DPF3: variants seen among roughly 807,000 people sequenced by gnomAD.
The protein encoded by DPF3 is zinc finger protein DPF3.
A neutral mutation model predicts 56.8 loss-of-function variants in DPF3; 18 were observed. That is an observed-to-expected ratio of 0.32 (90% CI 0.22 to 0.47). The LOEUF is 0.47. Ranked by LOEUF, DPF3 falls within the 20% of genes least tolerant of loss-of-function variation. DPF3 has a pLI of 1.00. For synonymous variants in DPF3, 188 were observed against 180.2 expected, an observed-to-expected ratio of 1.04 and a Z score of -0.35; for missense variants, 403 against 488.8, an observed-to-expected ratio of 0.82 and a Z score of 1.65.
chr14:72,881,324 T>C (rs377512406), intron 1 of DPF3, among the ~76,000 whole-genome samples: 1 of 119,822 alleles, frequency 8.3e-6, no homozygotes, highest in African/African-American at 2.6e-5. Flanking sequence ...GTTGTTGTTG[T>C]TGTTGTTGTT....
At position 72,612,704 on chromosome 14, in the gene DPF3, A is replaced by G. The variant is rs1883813778; in HGVS notation, c.*6593T>C. On this transcript the variant is annotated 3_prime_UTR_variant, in exon 11 of 11. Transcript: ENST00000556509. ...CCCATTCTAGCCATAAAAGCTTTGCATCCCTTTGATAGCAGAATTGAGACT... is the reference window on the plus strand; with the variant it reads ...CCCATTCTAGCCATAAAAGCTTTGCGTCCCTTTGATAGCAGAATTGAGACT... 4.3e-6 allele frequency: 2 copies of G among 468,436 alleles called. No individual in the cohort carries two copies. Among genetic ancestry groups the G allele is most frequent in the African/African-American group, 2.0e-5 (1 of 50,372 alleles). The allele number at this position is 468,436 out of a possible 1,614,324, so 29.0% of individuals were successfully genotyped here.
At chr14:72,744,241 C>A (rs939996310) in intron 3 of DPF3, among the ~76,000 whole-genome samples, 11 of 152,256 alleles carry the variant, frequency 7.2e-5, no homozygotes, top group African/African-American at 2.4e-4. Flanking sequence ...TAATTTCACC[C>A]AGGAACAAAT....
At chr14:72,693,751 G>A (rs139668429) in intron 6 of DPF3, among the ~76,000 whole-genome samples, 9 of 152,314 alleles carry the variant, frequency 5.9e-5, no homozygotes, top group Admixed American at 5.9e-4. Context: ...TAGTGTGGCA[G>A]AGCCACCAGA....
chr14:72,631,572 A>G (rs944413704), intron 8 of DPF3, among the ~76,000 whole-genome samples: 1 of 152,112 alleles, frequency 6.6e-6, no homozygotes, highest in African/African-American at 2.4e-5. Context: ...TGATGCTCAT[A>G]TAGGCAAGTT....
chr14:72,892,958 AGGAAG>A lies in DPF3; in HGVS notation c.32+1094_32+1098del, dbSNP rs1886816383. Among the ~76,000 whole-genome samples the A allele has an allele frequency of 6.0e-5, 2 of 33,270 alleles. 1 individual carries two copies. Among genetic ancestry groups the A allele is most frequent in the African/African-American group, 5.7e-4 (2 of 3,500 alleles). 21.8% of individuals were successfully genotyped at this position (33,270 alleles called of 152,430 possible). ...TCCACTGACTGGAAGGAAGGAAGGA[AGGAAG>A]GAAGGAAGGAAGGAAGGAAGGAAGG... On this transcript the variant is annotated intron_variant, in intron 1 of 10. Coordinates refer to ENST00000556509, the MANE Select transcript of DPF3 (RefSeq NM_001280542.3).
intron 8 of DPF3, among the ~76,000 whole-genome samples, chr14:72,630,679 G>A (rs11844236): frequency 5.9e-5 from 9 of 152,160 alleles, no homozygotes; most frequent in South Asian, 2.1e-4. Flanking sequence ...TTCCCAAGTC[G>A]CCCAGTACTG....
intron 1 of DPF3, among the ~76,000 whole-genome samples, chr14:72,792,557 C>T (rs954728843): frequency 6.6e-6 from 1 of 152,194 alleles, no homozygotes; most frequent in South Asian, 2.1e-4. Flanking sequence ...TAGTCCACAC[C>T]ATGGACTCCT....
intron 8 of DPF3, among the ~76,000 whole-genome samples, chr14:72,633,391 G>A (rs1885275473): frequency 6.6e-6 from 1 of 152,062 alleles, no homozygotes. Flanking sequence ...AAGAAAGGAA[G>A]AGGAGAGAAG....
At position 72,883,237 on chromosome 14, in the gene DPF3, G is replaced by A. The variant is rs1177165499; in HGVS notation, c.32+10820C>T. On this transcript the variant is annotated intron_variant, in intron 1 of 10. Transcript: ENST00000556509. Reference sequence around the variant, plus strand: ...GCATTTTGGGAAGCTGAGGTAAGAGGATCACTTGAGGCCAGAAGTTCAAGA... The same window carrying A: ...GCATTTTGGGAAGCTGAGGTAAGAGAATCACTTGAGGCCAGAAGTTCAAGA... Among the ~76,000 whole-genome samples, 3 of 152,268 alleles carry A rather than the reference G, an allele frequency of 2.0e-5. No individual in the cohort carries two copies. The East Asian group carries it at 5.8e-4, about 29-fold the overall frequency.
intron 5 of DPF3, among the ~76,000 whole-genome samples, chr14:72,720,529 G>A (rs1889125307): frequency 6.6e-6 from 1 of 152,140 alleles, no homozygotes; most frequent in Non-Finnish European, 1.5e-5. Context: ...AGTATCTGGT[G>A]GGCCCAGAGC....
intron 4 of DPF3, among the ~76,000 whole-genome samples, chr14:72,730,139 C>T (rs2139853110): frequency 6.6e-6 from 1 of 152,050 alleles, no homozygotes. Context: ...GAGAAGACAA[C>T]CGCAGCAGTT....
intron 8 of DPF3, 25 bp downstream of exon 8, chr14:72,674,215 C>T (rs150912383): frequency 3.6e-5 from 58 of 1,605,168 alleles, no homozygotes; most frequent in African/African-American, 1.2e-4. Context: ...TACGGGCACC[C>T]GGTGTGGGAA....
At chr14:72,842,703 T>G (rs11158983) in intron 1 of DPF3, among the ~76,000 whole-genome samples, 88,717 of 151,930 alleles carry the variant, frequency 0.58, 26,745 homozygotes, top group East Asian at 0.89. Flanking sequence ...TTTTAAAACT[T>G]AAGAAATTAG....
intron 1 of DPF3, among the ~76,000 whole-genome samples, chr14:72,874,205 G>A (rs1259091590): frequency 2.6e-5 from 4 of 151,810 alleles, no homozygotes; most frequent in African/African-American, 9.7e-5. Flanking sequence ...CAAGCCAGGT[G>A]GAGTGGCTCA....
intron 1 of DPF3, among the ~76,000 whole-genome samples, chr14:72,848,593 G>A (rs1884851371): frequency 1.3e-5 from 2 of 152,146 alleles, no homozygotes; most frequent in African/African-American, 2.4e-5. Context: ...TTAGGGCTTG[G>A]AACATAGTAG....
At chr14:72,650,470 C>G (rs990760787) in intron 8 of DPF3, among the ~76,000 whole-genome samples, 1 of 152,212 alleles carries the variant, frequency 6.6e-6, no homozygotes, top group Admixed American at 6.5e-5. Flanking sequence ...CAGCACTGCC[C>G]CGGGGGCCAG....
intron 1 of DPF3, among the ~76,000 whole-genome samples, chr14:72,855,858 C>T (rs763388): frequency 0.57 from 87,045 of 152,022 alleles, 25,994 homozygotes; most frequent in East Asian, 0.88. Flanking sequence ...TTCGGGCTTT[C>T]ATTGGCTTGA....
Position 72,806,274 on chromosome 14 carries a change from AC to A in DPF3, c.33-34382del, listed in dbSNP as rs202077925. ...TTCCTTCTTGCCAAATCCAGTGGCC[AC>A]CCGTGGGTGGTCCTGCTGCTCAACC... On this transcript the variant is annotated intron_variant, in intron 1 of 10. Transcript: ENST00000556509. Among the ~76,000 whole-genome samples, 1,370 of 152,266 alleles carry A rather than the reference AC, an allele frequency of 9.0e-3. 15 individuals are homozygous for A. Among genetic ancestry groups the A allele is most frequent in the South Asian group, 0.023 (113 of 4,826 alleles).
At chr14:72,782,023 G>A (rs1355798560) in intron 1 of DPF3, among the ~76,000 whole-genome samples, 1 of 152,146 alleles carries the variant, frequency 6.6e-6, no homozygotes, top group Non-Finnish European at 1.5e-5. Context: ...GCACTCGGAT[G>A]TTGCCTCCTG....
Sources: allele counts gnomAD v4.1 joint callset (sites outside exome capture counted in the v4.1 genomes callset), GRCh38; gene constraint gnomAD v4.1.1; transcripts MANE v1.5; gene names NCBI Gene and HGNC (gene_info 2026-07-23, HGNC 2026-07-21).